Variants in ARHGAP10 observed in about 807,000 individuals in gnomAD.
ARHGAP10 encodes Rho GTPase activating protein 10.
Under a neutral mutation model 108.6 loss-of-function variants are expected in ARHGAP10, and 87 were observed. The ratio of observed to expected loss-of-function variants is 0.80; its 90% confidence interval spans 0.67 to 0.96. ARHGAP10 has a LOEUF of 0.96. Ranked by LOEUF, ARHGAP10 falls within the 40% of genes least tolerant of loss-of-function variation. The pLI, the probability that ARHGAP10 is intolerant of heterozygous loss-of-function variation, is 0.00. For synonymous variants in ARHGAP10, 347 were observed against 341.1 expected (o/e 1.02, Z -0.19); for missense variants, 939 against 954.5 (o/e 0.98, Z 0.21).
At chr4:147,887,167 T>G (rs1319486846) in intron 10 of ARHGAP10, among the ~76,000 whole-genome samples, 1 of 152,092 alleles carries the variant, frequency 6.6e-6, no homozygotes, top group African/African-American at 2.4e-5. Flanking sequence ...GTGTCCTATT[T>G]TGTTGTGAAA....
intron 20 of ARHGAP10, among the ~76,000 whole-genome samples, chr4:148,052,415 G>A (rs1263308283): frequency 8.3e-6 from 1 of 120,280 alleles, no homozygotes; most frequent in African/African-American, 3.9e-5. Context: ...TTTTTTTTGG[G>A]CTAATTGACC....
intron 20 of ARHGAP10, among the ~76,000 whole-genome samples, chr4:148,060,536 C>T (rs986962676): frequency 3.9e-5 from 6 of 152,150 alleles, no homozygotes; most frequent in Admixed American, 6.5e-5. Flanking sequence ...TTTCCTCTAT[C>T]CAAGCAGCTA....
rs1252313517 is a variant in ARHGAP10 at position 148,020,544 on chromosome 4, TTG to T, written c.1717-2717_1717-2716del. Among the ~76,000 whole-genome samples, 80 of 149,632 alleles carry T rather than the reference TTG, an allele frequency of 5.3e-4. 2 individuals carry two copies. In the East Asian group the frequency reaches 0.014, roughly 26 times the overall value. On this transcript the variant is annotated intron_variant, in intron 18 of 22. Transcript: ENST00000336498. ...ACTTATAAGTGAGAACATGCGTTTT[TTG>T]TTTTTTTTTTTATTCCTGCATTAGT...
intron 3 of ARHGAP10, among the ~76,000 whole-genome samples, chr4:147,844,627 C>T (rs1733561626): frequency 6.6e-6 from 1 of 152,190 alleles, no homozygotes; most frequent in South Asian, 2.1e-4. Context: ...GTTATCTCTT[C>T]ATTTGTTCAT....
chr4:147,844,840 T>A (rs924256530), intron 3 of ARHGAP10, among the ~76,000 whole-genome samples: 1 of 152,186 alleles, frequency 6.6e-6, no homozygotes, highest in African/African-American at 2.4e-5. Flanking sequence ...CGGTTTTCTG[T>A]ACCTTTCATC....
At chr4:147,890,279 C>T (rs1212991148) in intron 10 of ARHGAP10, among the ~76,000 whole-genome samples, 2 of 95,244 alleles carry the variant, frequency 2.1e-5, no homozygotes, top group Admixed American at 1.3e-4. Flanking sequence ...CGGAGCTCAG[C>T]TAGCCATTAC....
chr4:147,989,528 T>G (rs1740184325), intron 18 of ARHGAP10, among the ~76,000 whole-genome samples: 1 of 152,146 alleles, frequency 6.6e-6, no homozygotes, highest in Admixed American at 6.5e-5. Context: ...GACCTACCCC[T>G]AGGTGCGCAT....
chr4:147,850,309 C>T (rs747447712), intron 4 of ARHGAP10, among the ~76,000 whole-genome samples: 1 of 152,204 alleles, frequency 6.6e-6, no homozygotes, highest in Middle Eastern at 3.2e-3. Context: ...GCTGGCCATC[C>T]AAGCCAGCAG....
intron 4 of ARHGAP10, among the ~76,000 whole-genome samples, chr4:147,850,943 A>C (rs1290577918): frequency 1.3e-5 from 2 of 152,242 alleles, no homozygotes; most frequent in Admixed American, 1.3e-4. Flanking sequence ...TTGAACAAAA[A>C]CTCTGAGAAA....
intron 10 of ARHGAP10, among the ~76,000 whole-genome samples, chr4:147,901,422 A>G (rs1736233856): frequency 1.3e-5 from 2 of 152,216 alleles, no homozygotes; most frequent in Non-Finnish European, 2.9e-5. Flanking sequence ...TGATGAGTTA[A>G]TTCTCAATAG....
At chr4:147,768,376 G>T (rs1729916697) in intron 1 of ARHGAP10, among the ~76,000 whole-genome samples, 1 of 151,960 alleles carries the variant, frequency 6.6e-6, no homozygotes, top group Admixed American at 6.6e-5. Context: ...GTGGTTTTTT[G>T]AGTGTCTGGA....
At chr4:147,900,008 C>T (rs1169367691) in intron 10 of ARHGAP10, among the ~76,000 whole-genome samples, 1 of 151,770 alleles carries the variant, frequency 6.6e-6, no homozygotes, top group Non-Finnish European at 1.5e-5. Context: ...ACAATAATGT[C>T]TCCTTAGACT....
rs537748521 is a variant in ARHGAP10, at chr4:147,992,248, T to A, written c.1716+25409T>A. On this transcript the variant is annotated intron_variant, in intron 18 of 22. Transcript: ENST00000336498. ...GCATGCTGTCGTTCGGTCCCCACATTTTTTGGAGAAGCCAGGTGTTGCCAC... is the reference window on the plus strand; with the variant it reads ...GCATGCTGTCGTTCGGTCCCCACATATTTTGGAGAAGCCAGGTGTTGCCAC... Among the ~76,000 whole-genome samples the A allele has an allele frequency of 1.3e-4, 20 of 152,238 alleles. No individual in the cohort carries two copies. In the East Asian group the frequency reaches 3.7e-3, roughly 28 times the overall value.
chr4:147,869,540 G>A (rs1271444173), intron 7 of ARHGAP10, among the ~76,000 whole-genome samples: 1 of 151,818 alleles, frequency 6.6e-6, no homozygotes, highest in Non-Finnish European at 1.5e-5. Flanking sequence ...ATTGACAACA[G>A]TGATCATTTT....
At chr4:147,870,004 G>T (rs58265111) in intron 7 of ARHGAP10, among the ~76,000 whole-genome samples, 26,150 of 74,310 alleles carry the variant, frequency 0.35, 3,057 homozygotes, top group Admixed American at 0.38. Context: ...CAGTTTGTGT[G>T]TGTGTGTGTG....
chr4:147,737,936 G>T (rs1446750975), intron 1 of ARHGAP10, among the ~76,000 whole-genome samples: 3 of 151,920 alleles, frequency 2.0e-5, no homozygotes, highest in African/African-American at 7.3e-5. Context: ...AATGTTCTCA[G>T]TGTCTTTTTG....
chr4:147,791,733 C>T (rs552526386), intron 1 of ARHGAP10, among the ~76,000 whole-genome samples: 1 of 151,882 alleles, frequency 6.6e-6, no homozygotes, highest in Admixed American at 6.6e-5. Flanking sequence ...TATAGGCACC[C>T]GCCACCATGT....
chr4:147,832,055 C>T (rs1732969696), intron 3 of ARHGAP10, among the ~76,000 whole-genome samples: 1 of 152,144 alleles, frequency 6.6e-6, no homozygotes, highest in South Asian at 2.1e-4. Context: ...TCGGCCAACT[C>T]TGCTCTCTTC....
In ARHGAP10 at chr4:147,881,882, T is replaced by C. The variant is rs1735340945; in HGVS notation, c.984T>C (p.His328=). Reference sequence around the variant, plus strand: ...TTTTGAAAGAATGTACCAAGAGGCATACTGACTCCATTGACAGAAGGTTTT... The same window carrying C: ...TTTTGAAAGAATGTACCAAGAGGCACACTGACTCCATTGACAGAAGGTTTT... The part of the protein sequence containing the change: ...VFFLKECTKR[H]TDSIDRRFCF... The change falls in exon 10 of 23, where the codon CAT becomes CAC. Residue 328 remains histidine (H), a synonymous_variant. Transcript: ENST00000336498. The C allele has an allele frequency of 1.9e-6, 3 of 1,614,118 alleles. No homozygotes were observed. Among genetic ancestry groups the C allele is most frequent in the Non-Finnish European group, 2.5e-6 (3 of 1,180,010 alleles).
Sources: gnomAD v4.1 joint callset for allele counts (sites outside exome capture counted in the v4.1 genomes callset) on GRCh38, gnomAD v4.1.1 for gene constraint, MANE v1.5 for transcripts, NCBI Gene and HGNC (gene_info 2026-07-23, HGNC 2026-07-21) for gene names.